The following SLC14A2 variants were observed in gnomAD, a reference collection of about 807,000 sequenced individuals.
The protein encoded by SLC14A2 is solute carrier family 14 member 2.
A neutral mutation model predicts 104.6 loss-of-function variants in SLC14A2; 91 were observed. The ratio of observed to expected loss-of-function variants is 0.87; its 90% CI spans 0.73 to 1.04. SLC14A2 has a LOEUF of 1.04. SLC14A2 is among the 50% of genes least tolerant of loss of function. SLC14A2 has a pLI of 0.00. For missense variants in SLC14A2, 1,189 were observed against 1,156.0 expected (o/e 1.03, Z -0.41); for synonymous variants, 476 against 466.4 (o/e 1.02, Z -0.27).
At chr18:45,218,666 T>A (rs905782918) in intron 1 of SLC14A2, among the ~76,000 whole-genome samples, 1 of 152,208 alleles carries the variant, frequency 6.6e-6, no homozygotes, top group Non-Finnish European at 1.5e-5. Context: ...ACAAACTTTT[T>A]AAATTTTATG....
At chr18:45,213,129 C>T (rs1386960877) in exon 1 of SLC14A2, 1 of 152,194 alleles carries the variant, frequency 6.6e-6, no homozygotes, top group African/African-American at 2.4e-5. Flanking sequence ...TGCACCTCTA[C>T]CTACAGACAA....
chr18:45,456,960 C>T (rs550561508), intron 1 of SLC14A2, among the ~76,000 whole-genome samples: 4 of 151,960 alleles, frequency 2.6e-5, no homozygotes, highest in Non-Finnish European at 5.9e-5. Context: ...CCTGGAGGGA[C>T]GGAGCCTTTG....
intron 1 of SLC14A2, among the ~76,000 whole-genome samples, chr18:45,221,381 G>A (rs2143993227): frequency 6.6e-6 from 1 of 152,288 alleles, no homozygotes; most frequent in South Asian, 2.1e-4. Flanking sequence ...AAATCCAGGG[G>A]AAAGCCTCTA....
At chr18:45,290,205 C>A (rs770001078) in intron 1 of SLC14A2, among the ~76,000 whole-genome samples, 14 of 151,964 alleles carry the variant, frequency 9.2e-5, no homozygotes, top group Non-Finnish European at 1.8e-4. Flanking sequence ...TGATTCTGTC[C>A]CCCAGGTAAT....
intron 1 of SLC14A2, among the ~76,000 whole-genome samples, chr18:45,416,610 T>C (rs71356493): frequency 6.6e-6 from 1 of 152,146 alleles, no homozygotes; most frequent in African/African-American, 2.4e-5. Context: ...ATGATCATTG[T>C]TGTTATTGTT....
intron 1 of SLC14A2, among the ~76,000 whole-genome samples, chr18:45,286,661 GAC>G (rs2084817351): frequency 6.6e-6 from 1 of 151,838 alleles, no homozygotes; most frequent in East Asian, 1.9e-4. Flanking sequence ...TTTTATAATT[GAC>G]ATTCACAGTT....
intron 5 of SLC14A2, 143 bp from the exon 6 acceptor site, chr18:45,636,847 C>T: frequency 1.6e-6 from 1 of 624,910 alleles, no homozygotes; most frequent in Non-Finnish European, 2.9e-6. Flanking sequence ...TATCCCAGAT[C>T]ATTGGAACAC....
intron 1 of SLC14A2, among the ~76,000 whole-genome samples, chr18:45,460,007 C>A (rs566691719): frequency 6.6e-6 from 1 of 152,204 alleles, no homozygotes; most frequent in African/African-American, 2.4e-5. Flanking sequence ...CAGGTCCAAT[C>A]TTTTTGGTCA....
At chr18:45,459,859 A>G (rs2087012382) in intron 1 of SLC14A2, among the ~76,000 whole-genome samples, 1 of 152,236 alleles carries the variant, frequency 6.6e-6, no homozygotes, top group African/African-American at 2.4e-5. Flanking sequence ...TAAGAAAAAC[A>G]AATTTGAGAA....
intron 4 of SLC14A2, among the ~76,000 whole-genome samples, chr18:45,629,431 A>G (rs937785954): frequency 1.1e-4 from 16 of 152,182 alleles, no homozygotes; most frequent in African/African-American, 3.9e-4. Flanking sequence ...TGTACCTATC[A>G]ACCATGGGCA....
chr18:45,670,188 C>G (rs3786398), intron 16 of SLC14A2, among the ~76,000 whole-genome samples: 3 of 69,528 alleles, frequency 4.3e-5, no homozygotes, highest in Admixed American at 1.3e-4. Flanking sequence ...AAACTCAGGG[C>G]TTTTTCTACT....
chr18:45,657,234 G>A (rs1210400368), intron 10 of SLC14A2, among the ~76,000 whole-genome samples: 1 of 152,216 alleles, frequency 6.6e-6, no homozygotes, highest in Non-Finnish European at 1.5e-5. Flanking sequence ...CACTTTGGGA[G>A]GCAGAAGCGG....
At chr18:45,241,256 C>T (rs969305110) in intron 1 of SLC14A2, among the ~76,000 whole-genome samples, 1 of 152,194 alleles carries the variant, frequency 6.6e-6, no homozygotes, top group South Asian at 2.1e-4. Context: ...CAGGAAGCCA[C>T]TGGACATGTT....
intron 1 of SLC14A2, among the ~76,000 whole-genome samples, chr18:45,261,120 G>C (rs746647114): frequency 6.6e-6 from 1 of 151,186 alleles, no homozygotes; most frequent in Non-Finnish European, 1.5e-5. Context: ...CCATTAACTC[G>C]TCATTTAACA....
chr18:45,648,016 T>G (rs1190186537), intron 10 of SLC14A2: 1 of 151,708 alleles, frequency 6.6e-6, no homozygotes, highest in Non-Finnish European at 1.5e-5. Context: ...GTCTTAATTC[T>G]GAAAAGGGTT....
intron 2 of SLC14A2, among the ~76,000 whole-genome samples, chr18:45,502,064 T>C (rs1294406337): frequency 6.6e-6 from 1 of 152,230 alleles, no homozygotes; most frequent in Non-Finnish European, 1.5e-5. Context: ...AAGGCAGGAT[T>C]CCGTGGCATC....
chr18:45,419,496 G>A (rs910322450), intron 1 of SLC14A2, among the ~76,000 whole-genome samples: 1 of 152,154 alleles, frequency 6.6e-6, no homozygotes, highest in African/African-American at 2.4e-5. Flanking sequence ...TTATCAGGTC[G>A]GGCGTGGTGG....
At position 45,654,226 on chromosome 18, in the gene SLC14A2, G is replaced by A. The variant is rs188388502; in HGVS notation, c.1352-9559G>A. Among the ~76,000 whole-genome samples the A allele has an allele frequency of 3.2e-4, 48 of 152,218 alleles. 1 individual carries two copies. In the East Asian group the frequency reaches 4.1e-3, roughly 13 times the overall value. On this transcript the variant is annotated intron_variant, in intron 10 of 19. Coordinates refer to ENST00000255226, the MANE Select transcript of SLC14A2 (RefSeq NM_007163.4). The stretch of plus-strand genomic sequence containing the variant: ...ACCCTTCCTCAACTGGCAGACGTGC[G>A]CCAGGCAACAGGTTCAGGGAACGCA...
intron 1 of SLC14A2, among the ~76,000 whole-genome samples, chr18:45,343,728 C>G (rs1028582303): frequency 5.9e-5 from 9 of 152,154 alleles, no homozygotes; most frequent in African/African-American, 2.2e-4. Flanking sequence ...TCCTGAGTCC[C>G]TGACTCCATC....
Sources: allele counts gnomAD v4.1 joint callset (sites outside exome capture counted in the v4.1 genomes callset), GRCh38; gene constraint gnomAD v4.1.1; transcripts MANE v1.5; gene names NCBI Gene and HGNC (gene_info 2026-07-23, HGNC 2026-07-21).